Variants in YES1 observed in about 807,000 individuals in gnomAD.
The protein encoded by YES1 is tyrosine-protein kinase Yes.
In YES1, 39 loss-of-function variants were observed where a neutral mutation model predicts 70.4. The ratio of observed to expected loss-of-function variants is 0.55; its 90% CI spans 0.43 to 0.72. YES1 has a LOEUF of 0.72. YES1 is among the 30% of genes least tolerant of loss of function. The pLI is 0.00. For synonymous variants in YES1, 198 were observed against 218.6 expected (o/e 0.91, Z 0.83); for missense variants, 495 against 644.8 (o/e 0.77, Z 2.52).
At chr18:802,417 G>A (rs1288349058) in intron 1 of YES1, among the ~76,000 whole-genome samples, 3 of 151,934 alleles carry the variant, frequency 2.0e-5, no homozygotes, top group African/African-American at 7.3e-5. Context: ...GGTGGTGCAC[G>A]CTTGTAATCC....
At chr18:769,592 A>C (rs1243066541) in intron 1 of YES1, among the ~76,000 whole-genome samples, 1 of 152,202 alleles carries the variant, frequency 6.6e-6, no homozygotes, top group East Asian at 1.9e-4. Flanking sequence ...AAGGCCAAGC[A>C]AAGTTCCCTT....
At chr18:807,097 C>T (rs747324459) in intron 1 of YES1, among the ~76,000 whole-genome samples, 26 of 152,076 alleles carry the variant, frequency 1.7e-4, no homozygotes, top group Non-Finnish European at 2.9e-4. Flanking sequence ...CGGTGAGACC[C>T]CATCTCTCCA....
At chr18:793,044 T>G (rs948420020) in intron 1 of YES1, among the ~76,000 whole-genome samples, 6 of 116,926 alleles carry the variant, frequency 5.1e-5, no homozygotes, top group Admixed American at 1.6e-4. Context: ...TTATTATTGG[T>G]TTTTTTTTTT....
At chr18:798,327 T>G (rs549855685) in intron 1 of YES1, among the ~76,000 whole-genome samples, 226 of 152,348 alleles carry the variant, frequency 1.5e-3, no homozygotes, top group African/African-American at 5.1e-3. Context: ...CAATATTGTT[T>G]TTCCTTTTCT....
intron 11 of YES1, among the ~76,000 whole-genome samples, chr18:731,752 G>T (rs967914292): frequency 6.6e-6 from 1 of 152,020 alleles, no homozygotes; most frequent in African/African-American, 2.4e-5. Flanking sequence ...CAGATCACAA[G>T]GTCAGGAGAT....
Position 772,362 on chromosome 18 carries a change from T to C in YES1, c.-8-15527A>G, listed in dbSNP as rs551374275. Among the ~76,000 whole-genome samples, 19 of 152,094 alleles carry C rather than the reference T, an allele frequency of 1.2e-4. 1 individual carries two copies. Among genetic ancestry groups the C allele is most frequent in the African/African-American group, 3.6e-4 (15 of 41,500 alleles). Reference sequence around the variant, plus strand: ...CAAGTTTGAATGCAGGTCTTGATACTAGGTAAACATTGCTTTGTTTTCCAG... The same window carrying C: ...CAAGTTTGAATGCAGGTCTTGATACCAGGTAAACATTGCTTTGTTTTCCAG... On this transcript the variant is annotated intron_variant, in intron 1 of 11. Coordinates refer to ENST00000314574, the MANE Select transcript of YES1 (RefSeq NM_005433.4).
At chr18:737,244 T>C (rs544865923) in intron 9 of YES1, 42 of 248,640 alleles carry the variant, frequency 1.7e-4, no homozygotes, top group Non-Finnish European at 2.9e-4. Context: ...TTTGAGGTCA[T>C]GAGTTCGAGA....
chr18:809,035 ATTGAGTT>A (rs1195898950), intron 1 of YES1, among the ~76,000 whole-genome samples: 1 of 152,220 alleles, frequency 6.6e-6, no homozygotes, highest in Non-Finnish European at 1.5e-5. Context: ...TGATGCCGTA[ATTGAGTT>A]TTGAGTTTTA....
intron 11 of YES1, among the ~76,000 whole-genome samples, chr18:729,888 G>A (rs192898971): frequency 6.6e-5 from 10 of 152,224 alleles, no homozygotes; most frequent in Non-Finnish European, 1.3e-4. Context: ...GCTTCCCAAT[G>A]TGTTGGGATT....
chr18:756,584 G>A lies in YES1; in HGVS notation c.244C>T (p.Pro82Ser), dbSNP rs147228514. The stretch of plus-strand genomic sequence containing the variant: ...GTTAAACCAGCAGGATATGAACTTG[G>A]CACCACTGAAAATGAGGAAGATGCA... ...GGASSSFSVV[P>S]SSYPAGLTGG... Residue 82 changes from proline (P) to serine (S), a missense_variant, in exon 2 of 12, where the codon CCA (proline) becomes TCA (serine). This residue lies in a region of YES1 where 110 missense variants were observed against 104.0 expected (regional missense o/e 1.06). Transcript: ENST00000314574. 103 of 1,614,002 alleles carry A rather than the reference G, an allele frequency of 6.4e-5. No individual in the cohort carries two copies. The highest frequency in any genetic ancestry group is 7.8e-5 in the Non-Finnish European group (92 of 1,180,036).
At chr18:763,781 G>C (rs940589868) in intron 1 of YES1, among the ~76,000 whole-genome samples, 2 of 150,418 alleles carry the variant, frequency 1.3e-5, no homozygotes, top group Non-Finnish European at 3.0e-5. Context: ...AAGTGTATAA[G>C]TATAATAATC....
intron 9 of YES1, chr18:738,366 C>T (rs972819687): frequency 3.3e-5 from 5 of 152,112 alleles, no homozygotes; most frequent in African/African-American, 4.8e-5. Flanking sequence ...TGTATATATA[C>T]CATCTTAATT....
intron 4 of YES1, 54 bp from the exon 5 acceptor site, chr18:746,105 T>C (rs766886939): frequency 2.5e-5 from 33 of 1,332,634 alleles, no homozygotes; most frequent in Admixed American, 1.3e-4. Context: ...AGAAAAATTA[T>C]ACAGAAGTGT....
At chr18:798,903 C>T (rs1016833068) in intron 1 of YES1, among the ~76,000 whole-genome samples, 1 of 152,214 alleles carries the variant, frequency 6.6e-6, no homozygotes, top group African/African-American at 2.4e-5. Context: ...TGACTCCTAT[C>T]GTCAAAGGTT....
intron 11 of YES1, among the ~76,000 whole-genome samples, chr18:731,966 C>CAAAAAA (rs1165333694): frequency 1.5e-4 from 12 of 79,960 alleles, no homozygotes; most frequent in East Asian, 3.7e-4. Context: ...GACTCCATTT[C>CAAAAAA]AAAAAAAAAA....
chr18:725,731 C>T (rs536776062), intron 11 of YES1, among the ~76,000 whole-genome samples: 1 of 152,120 alleles, frequency 6.6e-6, no homozygotes, highest in Non-Finnish European at 1.5e-5. Flanking sequence ...CTACAAACTA[C>T]AAAAATGAGC....
chr18:771,070 T>C (rs552817563), intron 1 of YES1, among the ~76,000 whole-genome samples: 5 of 151,828 alleles, frequency 3.3e-5, no homozygotes, highest in African/African-American at 1.2e-4. Flanking sequence ...GTGTTAATAA[T>C]CATTCAAGTG....
intron 9 of YES1, chr18:738,019 T>C (rs2080172611): frequency 6.6e-6 from 1 of 151,952 alleles, no homozygotes; most frequent in South Asian, 2.1e-4. Flanking sequence ...GTATGACAGA[T>C]TGGATGTGGC....
At chr18:785,729 AG>A (rs1368594310) in intron 1 of YES1, among the ~76,000 whole-genome samples, 3 of 151,866 alleles carry the variant, frequency 2.0e-5, no homozygotes, top group Non-Finnish European at 4.4e-5. Context: ...TATAAAAGCC[AG>A]TCTGTCAAGA....
Sources: allele counts gnomAD v4.1 joint callset (sites outside exome capture counted in the v4.1 genomes callset), GRCh38; gene constraint gnomAD v4.1.1; regional missense constraint gnomAD v4.1.1; transcripts MANE v1.5; gene names NCBI Gene and HGNC (gene_info 2026-07-23, HGNC 2026-07-21).